ZFHX4: variants seen among roughly 807,000 people sequenced by gnomAD.
ZFHX4 encodes zinc finger homeobox protein 4.
In ZFHX4, 56 loss-of-function variants were observed where a neutral mutation model predicts 267.6. The ratio of observed to expected loss-of-function variants is 0.21; its 90% CI spans 0.17 to 0.26. The LOEUF (loss-of-function observed/expected upper bound fraction) is 0.26. Among genes scored for constraint, ZFHX4 ranks in the 10% least tolerant of loss-of-function variants. The pLI is 1.00. For missense variants in ZFHX4, 4,332 were observed against 4,420.0 expected (o/e 0.98, Z 0.56); for synonymous variants, 1,778 against 1,665.6 (o/e 1.07, Z -1.64).
intron 4 of ZFHX4, among the ~76,000 whole-genome samples, chr8:76,793,861 A>T (rs556662676): frequency 6.6e-6 from 1 of 152,294 alleles, no homozygotes; most frequent in African/African-American, 2.4e-5. Flanking sequence ...AATTAAGTAG[A>T]CAAATATAGG....
At chr8:76,794,206 TA>T (rs1256469430) in intron 4 of ZFHX4, among the ~76,000 whole-genome samples, 1 of 152,212 alleles carries the variant, frequency 6.6e-6, no homozygotes, top group Non-Finnish European at 1.5e-5. Flanking sequence ...TTAATTTTGA[TA>T]ACTTTTGGGG....
intron 4 of ZFHX4, among the ~76,000 whole-genome samples, chr8:76,785,598 G>A (rs1355198178): frequency 6.6e-6 from 1 of 152,082 alleles, no homozygotes; most frequent in Admixed American, 6.5e-5. Flanking sequence ...TCATTGGGTA[G>A]GTTTGTGACC....
Position 76,864,149 on chromosome 8 carries a change from G to C in ZFHX4, c.10435G>C (p.Ala3479Pro), listed in dbSNP as rs778702553. The change falls in exon 11 of 11, where the codon GCA becomes CCA. Residue 3479 changes from alanine (A) to proline (P), a missense_variant. This residue lies in a region of ZFHX4 where 1,648 missense variants were observed against 1,625.0 expected (regional missense o/e 1.01). Coordinates refer to ENST00000651372, the MANE Select transcript of ZFHX4 (RefSeq NM_024721.5). ...SLHKEKTIKQAMRNAKEHVRL... is the reference protein window; with the variant it reads ...SLHKEKTIKQPMRNAKEHVRL... ...GCACAAAGAGAAAACAATCAAACAA[G>C]CAATGAGAAATGCCAAAGAGCATGT... 23 of 1,613,700 alleles carry C rather than the reference G, an allele frequency of 1.4e-5. No homozygotes were observed. Among genetic ancestry groups the C allele is most frequent in the Non-Finnish European group, 1.9e-5 (22 of 1,179,842 alleles).
chr8:76,750,361 C>A (rs1383838427), intron 3 of ZFHX4, among the ~76,000 whole-genome samples: 3 of 152,122 alleles, frequency 2.0e-5, no homozygotes, highest in African/African-American at 7.2e-5. Context: ...ACTGAGTGTG[C>A]ATGGCCTGGA....
intron 10 of ZFHX4, among the ~76,000 whole-genome samples, chr8:76,858,736 T>C (rs1466686709): frequency 6.6e-6 from 1 of 152,230 alleles, no homozygotes; most frequent in African/African-American, 2.4e-5. Flanking sequence ...CTTTGCTTAA[T>C]GGGAGAGATA....
intron 3 of ZFHX4, among the ~76,000 whole-genome samples, chr8:76,708,547 C>T (rs1479764821): frequency 2.0e-5 from 3 of 152,122 alleles, no homozygotes; most frequent in Non-Finnish European, 2.9e-5. Context: ...AGTAAACACA[C>T]TCTCCCTTAG....
intron 3 of ZFHX4, among the ~76,000 whole-genome samples, chr8:76,746,963 G>A (rs934498208): frequency 4.6e-5 from 7 of 152,042 alleles, no homozygotes; most frequent in Admixed American, 2.6e-4. Context: ...TGTTTTCACC[G>A]AATTCTGACA....
At chr8:76,818,441 T>C (rs1811561767) in intron 4 of ZFHX4, among the ~76,000 whole-genome samples, 1 of 152,042 alleles carries the variant, frequency 6.6e-6, no homozygotes, top group Admixed American at 6.6e-5. Flanking sequence ...CAAGCAAAGT[T>C]TGGATTCGAT....
At chr8:76,791,727 T>C (rs1810843034) in intron 4 of ZFHX4, among the ~76,000 whole-genome samples, 1 of 152,186 alleles carries the variant, frequency 6.6e-6, no homozygotes, top group African/African-American at 2.4e-5. Flanking sequence ...AGAGATTCTA[T>C]GTCTTCATCT....
intron 3 of ZFHX4, among the ~76,000 whole-genome samples, chr8:76,742,343 C>T (rs1197031084): frequency 3.3e-5 from 5 of 152,052 alleles, no homozygotes; most frequent in Admixed American, 1.3e-4. Flanking sequence ...GCAATTTTGG[C>T]GGCAATATCG....
intron 9 of ZFHX4, 32 bp from the exon 10 acceptor site, chr8:76,850,854 G>T: frequency 6.6e-7 from 1 of 1,505,794 alleles, no homozygotes; most frequent in Non-Finnish European, 8.9e-7. Context: ...TTTTCTTATT[G>T]TAAGAGAGAT....
At chr8:76,689,344 A>C (rs1807768338) in intron 1 of ZFHX4, among the ~76,000 whole-genome samples, 1 of 152,288 alleles carries the variant, frequency 6.6e-6, no homozygotes, top group South Asian at 2.1e-4. Context: ...ATAGTAGCTT[A>C]TGTGATGTCT....
intron 3 of ZFHX4, among the ~76,000 whole-genome samples, chr8:76,724,797 A>G (rs551142243): frequency 3.3e-5 from 5 of 152,250 alleles, no homozygotes; most frequent in African/African-American, 1.2e-4. Context: ...TCTGAACAGG[A>G]ATCTTACAGG....
At chr8:76,846,014 A>G (rs530864770) in intron 6 of ZFHX4, among the ~76,000 whole-genome samples, 1 of 152,178 alleles carries the variant, frequency 6.6e-6, no homozygotes, top group South Asian at 2.1e-4. Flanking sequence ...AGTGGCAGGC[A>G]TAAACTATAA....
At chr8:76,817,216 G>T (rs566024995) in intron 4 of ZFHX4, among the ~76,000 whole-genome samples, 1 of 151,958 alleles carries the variant, frequency 6.6e-6, no homozygotes, top group South Asian at 2.1e-4. Flanking sequence ...GTGCTTAAAA[G>T]AAATAAAATC....
At chr8:76,841,279 T>C (rs1451961213) in intron 5 of ZFHX4, among the ~76,000 whole-genome samples, 1 of 152,190 alleles carries the variant, frequency 6.6e-6, no homozygotes, top group Admixed American at 6.5e-5. Flanking sequence ...TTGTAGAGCA[T>C]GGCTGGCAAG....
chr8:76,850,812 T>G, intron 9 of ZFHX4, 74 bp from the exon 10 acceptor site: 1 of 1,373,976 alleles, frequency 7.3e-7, no homozygotes, highest in Non-Finnish European at 9.6e-7. Flanking sequence ...GAGGCTACTA[T>G]TTATAATATT....
intron 4 of ZFHX4, among the ~76,000 whole-genome samples, chr8:76,808,910 GTCTCTCTCTC>G (rs377750059): frequency 2.8e-5 from 4 of 144,350 alleles, no homozygotes; most frequent in Middle Eastern, 3.3e-3. Flanking sequence ...CTATCTCTCT[GTCTCTCTCTC>G]TCTCTCTCTC....
At chr8:76,786,529 T>A (rs1437354020) in intron 4 of ZFHX4, among the ~76,000 whole-genome samples, 1 of 151,972 alleles carries the variant, frequency 6.6e-6, no homozygotes, top group Non-Finnish European at 1.5e-5. Context: ...ACACATCAAA[T>A]GTGTCAAATT....
Sources: gnomAD v4.1 joint callset for allele counts (sites outside exome capture counted in the v4.1 genomes callset) on GRCh38, gnomAD v4.1.1 for gene constraint, gnomAD v4.1.1 regional missense constraint, MANE v1.5 for transcripts, NCBI Gene and HGNC (gene_info 2026-07-23, HGNC 2026-07-21) for gene names.